APBA2: variants seen among roughly 807,000 people sequenced by gnomAD.
APBA2 encodes amyloid beta precursor protein binding family A member 2.
APBA2 carries 30 observed loss-of-function variants against 75.0 expected under a neutral mutation model. That is an observed-to-expected ratio of 0.40 (90% confidence interval 0.30 to 0.54). The LOEUF is 0.54. Ranked by LOEUF, APBA2 falls within the 20% of genes least tolerant of loss-of-function variation. The probability of loss-of-function intolerance (pLI) is 0.49; values close to 1 mark genes in which losing one functional copy is unlikely to be tolerated. For synonymous variants in APBA2, 444 were observed against 409.6 expected (o/e 1.08, Z -1.01); for missense variants, 801 against 1,016.1 (o/e 0.79, Z 2.88).
At chr15:28,982,445 T>C (rs1275284455) in intron 2 of APBA2, among the ~76,000 whole-genome samples, 2 of 152,236 alleles carry the variant, frequency 1.3e-5, no homozygotes, top group Non-Finnish European at 2.9e-5. Flanking sequence ...AAGTCCAGAA[T>C]ACCTGGTTGC....
intron 4 of APBA2, 55 bp from the exon 5 acceptor site, chr15:29,074,866 C>T: frequency 2.6e-6 from 4 of 1,543,438 alleles, no homozygotes; most frequent in South Asian, 2.3e-5. Context: ...TCAGGTTTTG[C>T]ATCTTGCATT....
intron 3 of APBA2, among the ~76,000 whole-genome samples, chr15:28,998,043 G>A (rs1671297899): frequency 6.6e-6 from 1 of 152,134 alleles, no homozygotes; most frequent in African/African-American, 2.4e-5. Context: ...GAGAAGAAAG[G>A]GCCGGGGTTT....
At chr15:28,936,047 C>T (rs1170809037) in intron 2 of APBA2, among the ~76,000 whole-genome samples, 2 of 152,048 alleles carry the variant, frequency 1.3e-5, no homozygotes, top group South Asian at 2.1e-4. Context: ...GTTTTTTGGC[C>T]CTCTGGAAAA....
chr15:28,989,346 A>G (rs1416570136), intron 2 of APBA2, among the ~76,000 whole-genome samples: 1 of 152,064 alleles, frequency 6.6e-6, no homozygotes, highest in Non-Finnish European at 1.5e-5. Flanking sequence ...GCAAAATGGG[A>G]TGATGGCTCC....
intron 4 of APBA2, among the ~76,000 whole-genome samples, chr15:29,068,496 G>A (rs1172610761): frequency 6.6e-6 from 1 of 152,268 alleles, no homozygotes; most frequent in Non-Finnish European, 1.5e-5. Flanking sequence ...AGCTTGGTCA[G>A]CGCAGGGTCT....
intron 3 of APBA2, among the ~76,000 whole-genome samples, chr15:29,009,273 C>A (rs894105692): frequency 6.6e-6 from 1 of 152,148 alleles, no homozygotes. Flanking sequence ...CTGTAACAAT[C>A]CACACCCTCA....
intron 4 of APBA2, among the ~76,000 whole-genome samples, chr15:29,058,654 G>C (rs2042004829): frequency 6.6e-6 from 1 of 152,146 alleles, no homozygotes; most frequent in Admixed American, 6.5e-5. Context: ...GTGCCACTCT[G>C]CTGAGACCAA....
chr15:29,106,245 G>C (rs1444560603), intron 11 of APBA2, among the ~76,000 whole-genome samples: 2 of 152,202 alleles, frequency 1.3e-5, no homozygotes, highest in Admixed American at 6.5e-5. Context: ...TGGCCTCTGT[G>C]GGTGTGGAAG....
chr15:28,952,365 A>T (rs1344117956), intron 2 of APBA2, among the ~76,000 whole-genome samples: 1 of 152,052 alleles, frequency 6.6e-6, no homozygotes, highest in Non-Finnish European at 1.5e-5. Flanking sequence ...CCTTGTCTCT[A>T]CAAAAAAATT....
chr15:28,940,487 A>G (rs2035150505), intron 2 of APBA2, among the ~76,000 whole-genome samples: 1 of 148,706 alleles, frequency 6.7e-6, no homozygotes, highest in African/African-American at 2.5e-5. Flanking sequence ...CGGGAGGTGG[A>G]GCTTGCAGTG....
rs556851289 is a variant in APBA2 at position 29,078,106 on chromosome 15, C to T, written c.1069+2015C>T. On this transcript the variant is annotated intron_variant, in intron 6 of 14. Coordinates refer to ENST00000683413, the MANE Select transcript of APBA2 (RefSeq NM_001353788.2). ...GGTCAGCAGATCAAGACCATCCTGG[C>T]CAACATGGTGAAACCCCGTCTGTAC... Among the ~76,000 whole-genome samples, 10 of 151,670 alleles carry T rather than the reference C, an allele frequency of 6.6e-5. No homozygotes were observed. The East Asian group carries it at 1.6e-3, about 24-fold the overall frequency.
chr15:28,941,242 A>G (rs1237122563), intron 2 of APBA2, among the ~76,000 whole-genome samples: 1 of 152,180 alleles, frequency 6.6e-6, no homozygotes, highest in Non-Finnish European at 1.5e-5. Context: ...GTCTCAGCAC[A>G]TCTGAATTCA....
intron 2 of APBA2, among the ~76,000 whole-genome samples, chr15:28,990,984 C>T (rs1158306584): frequency 6.6e-6 from 1 of 152,192 alleles, no homozygotes; most frequent in Non-Finnish European, 1.5e-5. Flanking sequence ...AAATGAGAGT[C>T]TTGAGGTTTG....
At chr15:28,942,946 A>G (rs866666323) in intron 2 of APBA2, among the ~76,000 whole-genome samples, 11 of 152,216 alleles carry the variant, frequency 7.2e-5, no homozygotes, top group African/African-American at 2.6e-4. Flanking sequence ...CCTCGTTCTC[A>G]GGGGGGGCTT....
intron 3 of APBA2, among the ~76,000 whole-genome samples, chr15:29,020,840 C>A (rs2039917585): frequency 6.6e-6 from 1 of 151,968 alleles, no homozygotes; most frequent in South Asian, 2.1e-4. Context: ...GACCTCCTCC[C>A]AAATAACCCC....
chr15:29,086,091 C>T (rs1228594949), intron 6 of APBA2, among the ~76,000 whole-genome samples: 4 of 152,188 alleles, frequency 2.6e-5, no homozygotes, highest in Non-Finnish European at 4.4e-5. Flanking sequence ...CTCAGCTTGT[C>T]CTTTCTTGTT....
At chr15:28,979,232 G>A (rs1371344191) in intron 2 of APBA2, among the ~76,000 whole-genome samples, 1 of 151,986 alleles carries the variant, frequency 6.6e-6, no homozygotes, top group Non-Finnish European at 1.5e-5. Context: ...CTTTCTCTCG[G>A]GCCCTACCAC....
intron 2 of APBA2, among the ~76,000 whole-genome samples, chr15:28,962,903 A>G (rs533317781): frequency 4.6e-5 from 7 of 152,328 alleles, no homozygotes; most frequent in Admixed American, 4.6e-4. Context: ...GGGACTTTGC[A>G]TACAGATATA....
intron 1 of APBA2, among the ~76,000 whole-genome samples, chr15:28,912,276 G>A (rs191870078): frequency 1.3e-5 from 2 of 152,326 alleles, no homozygotes; most frequent in Admixed American, 6.5e-5. Context: ...AAGGGCCAGA[G>A]GAGAGACTTT....
Sources: gnomAD v4.1 joint callset for allele counts (sites outside exome capture counted in the v4.1 genomes callset) on GRCh38, gnomAD v4.1.1 for gene constraint, MANE v1.5 for transcripts, NCBI Gene and HGNC (gene_info 2026-07-23, HGNC 2026-07-21) for gene names.